FARP1: variants seen among roughly 807,000 people sequenced by gnomAD.
FARP1 encodes the protein FERM, ARH/RhoGEF and pleckstrin domain protein 1, also known as FERM, ARHGEF and pleckstrin domain-containing protein 1.
In FARP1, 52 loss-of-function variants were observed where a neutral mutation model predicts 128.8. The observed-to-expected ratio is 0.40, with a 90% CI of 0.32 to 0.51. FARP1 has a LOEUF of 0.51. FARP1 is among the 20% of genes least tolerant of loss of function. The pLI is 0.45. For missense variants in FARP1, 1,333 were observed against 1,367.9 expected (o/e 0.97, Z 0.40); for synonymous variants, 580 against 551.8 (o/e 1.05, Z -0.72).
intron 1 of FARP1, chr13:98,177,316 C>T (rs546180105): frequency 8.4e-7 from 1 of 1,184,590 alleles, no homozygotes. Context: ...GGGGCGTGGG[C>T]CCTCCCAGTT....
chr13:98,192,060 C>T lies in FARP1; in HGVS notation c.-23-21160C>T, dbSNP rs576640966. Among the ~76,000 whole-genome samples the T allele has an allele frequency of 5.4e-4, 81 of 151,052 alleles. 2 individuals carry two copies. The South Asian group carries it at 0.017, about 31-fold the overall frequency. On this transcript the variant is annotated intron_variant, in intron 1 of 26. Transcript: ENST00000319562. ...CATCCAGACACTGTGTATTCCTACT[C>T]GTTGTGCAGAAGCAATTTTTAAATT...
chr13:98,302,161 G>C (rs1332714019), intron 2 of FARP1, among the ~76,000 whole-genome samples: 6 of 152,172 alleles, frequency 3.9e-5, no homozygotes, highest in Admixed American at 6.5e-5. Context: ...GGGCCACCAA[G>C]TTAGCTGTTA....
chr13:98,188,618 T>C (rs1879034432), intron 1 of FARP1, among the ~76,000 whole-genome samples: 1 of 152,158 alleles, frequency 6.6e-6, no homozygotes, highest in Non-Finnish European at 1.5e-5. Flanking sequence ...CTAAGATGTC[T>C]GAAGGCTTAA....
chr13:98,363,654 G>A (rs1194658662), intron 3 of FARP1, among the ~76,000 whole-genome samples: 1 of 152,208 alleles, frequency 6.6e-6, no homozygotes, highest in Non-Finnish European at 1.5e-5. Flanking sequence ...CAACGGGCCA[G>A]TCCTAAACTG....
intron 3 of FARP1, among the ~76,000 whole-genome samples, chr13:98,351,817 G>A (rs879200539): frequency 1.3e-5 from 2 of 151,854 alleles, no homozygotes; most frequent in Non-Finnish European, 2.9e-5. Context: ...TGGACTCTGC[G>A]TGGAAACATG....
intron 16 of FARP1, among the ~76,000 whole-genome samples, chr13:98,415,538 A>G (rs553104764): frequency 1.3e-5 from 2 of 152,360 alleles, no homozygotes; most frequent in Non-Finnish European, 2.9e-5. Flanking sequence ...AGGCAGGCAC[A>G]TAGGGCACAG....
intron 1 of FARP1, among the ~76,000 whole-genome samples, chr13:98,161,983 A>G (rs139701743): frequency 3.9e-4 from 60 of 151,906 alleles, no homozygotes; most frequent in African/African-American, 1.2e-3. Flanking sequence ...AAGTCTTGCT[A>G]TCTTCCCCAG....
At position 98,207,908 on chromosome 13, in the gene FARP1, C is replaced by CCACACACACACACACACACACACACACA. The variant is rs71111934; in HGVS notation, c.-23-5278_-23-5251dup. ...ATATACTGCTCCCCGACCACCACCT[C>CCACACACACACACACACACACACACACA]CACACACACACACACACACACACAC... On this transcript the variant is annotated intron_variant, in intron 1 of 26. Coordinates refer to ENST00000319562, the MANE Select transcript of FARP1 (RefSeq NM_005766.4). Among the ~76,000 whole-genome samples the CCACACACACACACACACACACACACACA allele has an allele frequency of 4.2e-5, 3 of 71,574 alleles. 1 individual carries two copies. Among genetic ancestry groups the CCACACACACACACACACACACACACACA allele is most frequent in the African/African-American group, 1.8e-4 (3 of 16,308 alleles). The allele number at this position is 71,574 out of a possible 152,430, so 47.0% of individuals were successfully genotyped here.
chr13:98,196,564 G>A (rs1370469303), intron 1 of FARP1, among the ~76,000 whole-genome samples: 2 of 152,174 alleles, frequency 1.3e-5, no homozygotes, highest in Non-Finnish European at 2.9e-5. Context: ...TTCCATGAAT[G>A]AGAAACCTAA....
chr13:98,387,667 A>G (rs558110538), intron 8 of FARP1, among the ~76,000 whole-genome samples: 21 of 152,260 alleles, frequency 1.4e-4, no homozygotes, highest in African/African-American at 4.3e-4. Flanking sequence ...GATGGAGACA[A>G]TGACTCCCTG....
rs374052042 is a variant in FARP1 at position 98,271,031 on chromosome 13, A to G, written c.171+57618A>G. ...TTGCAGTTGTGTGAGCTCTCTTTTC[A>G]TGAAGACGATTATACATTTTGCTGA... On this transcript the variant is annotated intron_variant, in intron 2 of 26. Transcript: ENST00000319562. Among the ~76,000 whole-genome samples the G allele has an allele frequency of 9.2e-5, 14 of 152,322 alleles. 1 individual carries two copies. The highest frequency in any genetic ancestry group is 8.3e-4 in the South Asian group (4 of 4,820).
intron 1 of FARP1, among the ~76,000 whole-genome samples, chr13:98,211,457 A>C (rs977166326): frequency 2.0e-5 from 3 of 152,202 alleles, no homozygotes; most frequent in Non-Finnish European, 4.4e-5. Context: ...GTCTGTGGAA[A>C]AACTGTCTTC....
chr13:98,356,834 C>T (rs1888665442), intron 3 of FARP1, among the ~76,000 whole-genome samples: 1 of 151,892 alleles, frequency 6.6e-6, no homozygotes. Context: ...AGAGTTTCAC[C>T]ATGTTGGCCA....
At chr13:98,171,287 G>C (rs1403505769) in intron 1 of FARP1, among the ~76,000 whole-genome samples, 1 of 152,148 alleles carries the variant, frequency 6.6e-6, no homozygotes, top group Non-Finnish European at 1.5e-5. Context: ...TTTGGGGTTT[G>C]GGTAGGTGGG....
At chr13:98,406,006 T>A (rs1171087109) in intron 13 of FARP1, 2 of 152,222 alleles carry the variant, frequency 1.3e-5, no homozygotes, top group African/African-American at 4.8e-5. Flanking sequence ...TGTTTGCTTT[T>A]TTGTAAAATG....
intron 1 of FARP1, among the ~76,000 whole-genome samples, chr13:98,205,569 A>G (rs942571340): frequency 3.3e-5 from 5 of 151,714 alleles, no homozygotes; most frequent in Non-Finnish European, 4.4e-5. Context: ...ATTTTTTTGT[A>G]TTTTTAGTAG....
intron 13 of FARP1, chr13:98,405,596 G>A (rs1303252039): frequency 6.6e-6 from 1 of 152,154 alleles, no homozygotes; most frequent in African/African-American, 2.4e-5. Flanking sequence ...GAATGCCTAA[G>A]AAATTGCAGG....
intron 1 of FARP1, among the ~76,000 whole-genome samples, chr13:98,181,679 G>T (rs1183175235): frequency 7.3e-5 from 11 of 150,272 alleles, no homozygotes; most frequent in Non-Finnish European, 1.6e-4. Context: ...TGTTGCCCAG[G>T]GGTGTGTGGC....
chr13:98,309,153 C>CTTTTTTTTTTTTTTTTTTTTTTTTTT lies in FARP1; in HGVS notation c.172-34604_172-34579dup, dbSNP rs56030081. Among the ~76,000 whole-genome samples the CTTTTTTTTTTTTTTTTTTTTTTTTTT allele has an allele frequency of 1.1e-4, 10 of 89,670 alleles. 4 individuals carry two copies. Among genetic ancestry groups the CTTTTTTTTTTTTTTTTTTTTTTTTTT allele is most frequent in the African/African-American group, 8.8e-5 (2 of 22,792 alleles). 58.8% of individuals were successfully genotyped at this position (89,670 alleles called of 152,430 possible). ...TATATTAATATTAATTTTAAGAGGC[C>CTTTTTTTTTTTTTTTTTTTTTTTTTT]TTTTTTTTTTTTTTTTTTTTTTTTT... On this transcript the variant is annotated intron_variant, in intron 2 of 26. Coordinates refer to ENST00000319562, the MANE Select transcript of FARP1 (RefSeq NM_005766.4).
Sources: gnomAD v4.1 joint callset for allele counts (sites outside exome capture counted in the v4.1 genomes callset) on GRCh38, gnomAD v4.1.1 for gene constraint, MANE v1.5 for transcripts, NCBI Gene and HGNC (gene_info 2026-07-23, HGNC 2026-07-21) for gene names.